The following COL24A1 variants were observed in gnomAD, a reference collection of about 807,000 sequenced individuals.
COL24A1 encodes the protein collagen type XXIV alpha 1 chain, also known as collagen alpha-1(XXIV) chain.
In COL24A1, 224 loss-of-function variants were observed where a neutral mutation model predicts 253.9. The ratio of observed to expected loss-of-function variants is 0.88; its 90% CI spans 0.79 to 0.99. COL24A1 has a LOEUF of 0.99. COL24A1 is among the 50% of genes least tolerant of loss of function. The pLI is 0.00. For synonymous variants in COL24A1, 685 were observed against 673.7 expected, an observed-to-expected ratio of 1.02 and a Z score of -0.26; for missense variants, 2,131 against 2,068.5, an observed-to-expected ratio of 1.03 and a Z score of -0.59.
intron 1 of COL24A1, among the ~76,000 whole-genome samples, chr1:86,153,420 T>C (rs1653050859): frequency 6.6e-6 from 1 of 152,204 alleles, no homozygotes; most frequent in African/African-American, 2.4e-5. Context: ...ATAAATACGT[T>C]AATGAATGAT....
At chr1:86,010,408 A>T (rs1696382382) in intron 19 of COL24A1, among the ~76,000 whole-genome samples, 1 of 152,208 alleles carries the variant, frequency 6.6e-6, no homozygotes, top group Non-Finnish European at 1.5e-5. Flanking sequence ...GGCAAAAAAC[A>T]TAAACAGACT....
intron 14 of COL24A1, among the ~76,000 whole-genome samples, chr1:86,029,353 A>G (rs1698340097): frequency 6.6e-6 from 1 of 152,214 alleles, no homozygotes; most frequent in Non-Finnish European, 1.5e-5. Context: ...TGAGAATGGA[A>G]TGACTTAACA....
chr1:85,787,196 T>C (rs1007690822), intron 47 of COL24A1, among the ~76,000 whole-genome samples: 1 of 129,082 alleles, frequency 7.7e-6, no homozygotes, highest in African/African-American at 3.3e-5. Context: ...TATGGCAGAG[T>C]TTTTTTTTTT....
intron 3 of COL24A1, among the ~76,000 whole-genome samples, chr1:86,123,982 T>C (rs7547133): frequency 0.024 from 3,620 of 151,902 alleles, 52 homozygotes; most frequent in Middle Eastern, 0.048. Context: ...CTACTTGAAA[T>C]TTTGAAAAAA....
At chr1:86,008,957 T>TTTAAAACACTCCTGAAA (rs139329446) in intron 19 of COL24A1, among the ~76,000 whole-genome samples, 27,576 of 152,034 alleles carry the variant, frequency 0.18, 3,173 homozygotes, top group African/African-American at 0.32. Flanking sequence ...TAAGGAATGT[T>TTTAAAACACTCCTGAAA]AACACAAAAA....
At chr1:85,813,530 G>GTTTTTTTTT (rs1672757614) in intron 47 of COL24A1, among the ~76,000 whole-genome samples, 2 of 105,972 alleles carry the variant, frequency 1.9e-5, no homozygotes, top group Admixed American at 1.1e-4. Flanking sequence ...TCTCATTCAG[G>GTTTTTTTTT]TCTTTTTTTT....
chr1:86,053,070 G>A (rs1252498806), intron 10 of COL24A1, among the ~76,000 whole-genome samples: 1 of 152,048 alleles, frequency 6.6e-6, no homozygotes, highest in Non-Finnish European at 1.5e-5. Context: ...CAAGCAGTTG[G>A]AGAATGGGAA....
intron 24 of COL24A1, among the ~76,000 whole-genome samples, chr1:85,916,528 A>T (rs963929762): frequency 4.6e-5 from 7 of 152,128 alleles, no homozygotes; most frequent in Non-Finnish European, 7.3e-5. Context: ...ATACATAATA[A>T]TAATAAAATT....
intron 5 of COL24A1, among the ~76,000 whole-genome samples, chr1:86,101,287 C>A (rs1047038563): frequency 6.6e-6 from 1 of 152,078 alleles, no homozygotes; most frequent in Admixed American, 6.6e-5. Flanking sequence ...GCTTTGGGTC[C>A]AAGACTATGG....
chr1:86,104,798 T>G (rs1205708465), intron 5 of COL24A1, among the ~76,000 whole-genome samples: 3 of 152,170 alleles, frequency 2.0e-5, no homozygotes, highest in African/African-American at 7.2e-5. Context: ...TTCCAATGGG[T>G]AGTGCTAGCC....
rs543049194 is a variant in COL24A1 at position 85,914,703 on chromosome 1, A to G, written c.2563-3270T>C. Reference sequence around the variant, plus strand: ...ACTGCTCCTGCCCTCTCATTTCTTTATCATATAACATAAGACGTATTGACC... The same window carrying G: ...ACTGCTCCTGCCCTCTCATTTCTTTGTCATATAACATAAGACGTATTGACC... On this transcript the variant is annotated intron_variant, in intron 24 of 59. Transcript: ENST00000370571. Among the ~76,000 whole-genome samples, 3 of 152,168 alleles carry G rather than the reference A, an allele frequency of 2.0e-5. No homozygotes were observed. In the South Asian group the frequency reaches 6.2e-4, roughly 32 times the overall value.
At chr1:85,819,680 A>G (rs1475918304) in intron 45 of COL24A1, among the ~76,000 whole-genome samples, 1 of 152,096 alleles carries the variant, frequency 6.6e-6, no homozygotes, top group Admixed American at 6.6e-5. Context: ...GATTTAAAAT[A>G]ATAATAATAA....
intron 14 of COL24A1, among the ~76,000 whole-genome samples, chr1:86,028,803 A>G (rs1163990801): frequency 6.6e-6 from 1 of 152,200 alleles, no homozygotes; most frequent in Non-Finnish European, 1.5e-5. Context: ...TAAGTTTTGG[A>G]GCAGAAAAGT....
At chr1:86,015,769 A>T (rs926847379) in intron 19 of COL24A1, among the ~76,000 whole-genome samples, 12 of 152,106 alleles carry the variant, frequency 7.9e-5, no homozygotes, top group Non-Finnish European at 1.5e-4. Context: ...AGTTTTAATT[A>T]CTCAATTTCC....
chr1:85,862,968 T>C (rs553325577), intron 37 of COL24A1, among the ~76,000 whole-genome samples: 1 of 152,338 alleles, frequency 6.6e-6, no homozygotes, highest in South Asian at 2.1e-4. Flanking sequence ...TTCTTCCATT[T>C]GTTTGTGTCC....
rs184023139 is a variant in COL24A1, at chr1:85,737,725, G to A, written c.4673-220C>T. On this transcript the variant is annotated intron_variant, in intron 57 of 59. Transcript: ENST00000370571. ...ATTACAGGAATGGGCCACCACACCC[G>A]GCTAATTTTTGTATTTTCAGTAGAG... Among the ~76,000 whole-genome samples the A allele has an allele frequency of 3.2e-4, 48 of 151,956 alleles. No individual in the cohort carries two copies. The South Asian group carries it at 3.3e-3, about 11-fold the overall frequency.
intron 57 of COL24A1, 52 bp downstream of exon 57, chr1:85,744,614 G>A (rs1665005457): frequency 8.3e-6 from 12 of 1,443,252 alleles, no homozygotes; most frequent in African/African-American, 1.4e-5. Flanking sequence ...CAAACACACT[G>A]AAATGATGAA....
intron 37 of COL24A1, among the ~76,000 whole-genome samples, chr1:85,867,892 G>A (rs940478400): frequency 6.6e-6 from 1 of 151,982 alleles, no homozygotes; most frequent in Non-Finnish European, 1.5e-5. Context: ...TTACAAGCAC[G>A]CACCATGGTG....
Position 85,737,473 on chromosome 1 carries a change from G to A in COL24A1, c.4705C>T (p.Pro1569Ser). 6.2e-7 allele frequency: 1 copy of A among 1,612,368 alleles called. No individual in the cohort carries two copies. Among genetic ancestry groups the A allele is most frequent in the Non-Finnish European group, 8.5e-7 (1 of 1,179,034 alleles). Residue 1569 changes from proline (P) to serine (S), a missense_variant, in exon 58 of 60, where the codon CCT becomes TCT. By Grantham distance (74) the Pro-to-Ser change is moderately conservative (BLOSUM62 -1). Coordinates refer to ENST00000370571, the MANE Select transcript of COL24A1 (RefSeq NM_152890.7). ...CAGAAAACCTCAATGGCATCTGAAG[G>A]ACAGCCAAGATTTGGGTCAATCCAG... is the stretch of plus-strand genomic sequence containing the variant. ...KYWIDPNLGC[P>S]SDAIEVFCNF...
Sources: gnomAD v4.1 joint callset for allele counts (sites outside exome capture counted in the v4.1 genomes callset) on GRCh38, gnomAD v4.1.1 for gene constraint, MANE v1.5 for transcripts, NCBI Gene and HGNC (gene_info 2026-07-23, HGNC 2026-07-21) for gene names.